The following HCK variants were observed in gnomAD, a reference collection of about 807,000 sequenced individuals.
HCK encodes the protein tyrosine-protein kinase HCK.
HCK carries 40 observed loss-of-function variants against 70.4 expected under a neutral mutation model. That is an observed-to-expected ratio of 0.57 (90% CI 0.44 to 0.74). The LOEUF is 0.74. Among genes scored for constraint, HCK ranks in the 30% least tolerant of loss-of-function variants. HCK has a pLI of 0.00. For missense variants in HCK, 568 were observed against 697.2 expected (o/e 0.81, Z 2.09); for synonymous variants, 245 against 263.2 (o/e 0.93, Z 0.67).
intron 1 of HCK, among the ~76,000 whole-genome samples, chr20:32,060,157 C>T (rs1379790799): frequency 1.3e-5 from 2 of 152,102 alleles, no homozygotes; most frequent in Non-Finnish European, 2.9e-5. Flanking sequence ...CCAGCAGAAG[C>T]GAGCAAATGT....
chr20:32,061,757 CAAG>C (rs1280193786), intron 1 of HCK, among the ~76,000 whole-genome samples: 1 of 151,926 alleles, frequency 6.6e-6, no homozygotes, highest in Non-Finnish European at 1.5e-5. Flanking sequence ...TGAAGAAGAG[CAAG>C]GAGGGCTCCA....
At chr20:32,097,589 A>C (rs937543478) in intron 11 of HCK, among the ~76,000 whole-genome samples, 8 of 152,118 alleles carry the variant, frequency 5.3e-5, no homozygotes, top group African/African-American at 1.9e-4. Context: ...TCAAAACATA[A>C]ATAAATAAAT....
At chr20:32,086,470 T>C (rs1461050602) in intron 8 of HCK, among the ~76,000 whole-genome samples, 158 bp from the exon 9 acceptor site, 1 of 152,216 alleles carries the variant, frequency 6.6e-6, no homozygotes, top group East Asian at 1.9e-4. Flanking sequence ...AACCCACAGT[T>C]GTCTGAGGCC....
At chr20:32,098,982 T>A in intron 11 of HCK, 22 bp from the exon 12 acceptor site, 1 of 1,613,354 alleles carries the variant, frequency 6.2e-7, no homozygotes, top group Non-Finnish European at 8.5e-7. Flanking sequence ...CTTCCCCGAC[T>A]CTGCTCTGTT....
At chr20:32,061,158 AT>A (rs1276687337) in intron 1 of HCK, among the ~76,000 whole-genome samples, 2 of 152,052 alleles carry the variant, frequency 1.3e-5, no homozygotes, top group Non-Finnish European at 2.9e-5. Flanking sequence ...TAATTTTTGT[AT>A]TTTTAGTAGA....
intron 1 of HCK, among the ~76,000 whole-genome samples, chr20:32,063,765 T>C (rs1208361220): frequency 6.6e-6 from 1 of 151,772 alleles, no homozygotes; most frequent in African/African-American, 2.4e-5. Context: ...CAAGACTCTT[T>C]GATGTTTAAA....
chr20:32,070,829 A>G (rs2045525186), intron 1 of HCK, among the ~76,000 whole-genome samples: 1 of 151,666 alleles, frequency 6.6e-6, no homozygotes, highest in South Asian at 2.1e-4. Flanking sequence ...TGAATTACCA[A>G]ACAACTCAGA....
intron 1 of HCK, chr20:32,054,222 C>A: frequency 4.4e-6 from 2 of 456,482 alleles, no homozygotes; most frequent in Non-Finnish European, 8.8e-6. Flanking sequence ...CCAGGGGCAA[C>A]CGCTGTCATG....
intron 9 of HCK, among the ~76,000 whole-genome samples, chr20:32,087,905 A>G (rs899240885): frequency 9.2e-5 from 14 of 151,990 alleles, no homozygotes; most frequent in Admixed American, 9.2e-4. Context: ...GCCTCCCACC[A>G]TGCTGGAATT....
chr20:32,056,688 A>G (rs566237933), intron 1 of HCK, among the ~76,000 whole-genome samples: 165 of 152,180 alleles, frequency 1.1e-3, no homozygotes, highest in Non-Finnish European at 1.9e-3. Flanking sequence ...TCTAATGGGT[A>G]CAGAAAGCAC....
intron 1 of HCK, among the ~76,000 whole-genome samples, chr20:32,061,201 C>T (rs1355515911): frequency 6.6e-6 from 1 of 152,218 alleles, no homozygotes; most frequent in African/African-American, 2.4e-5. Context: ...CCAGGCTGGT[C>T]TTGAACTCCT....
Position 32,052,270 on chromosome 20 carries a change from A to T in HCK, c.-155A>T, listed in dbSNP as rs2045181859. On this transcript the variant is annotated 5_prime_UTR_variant, in exon 1 of 13. Coordinates refer to ENST00000375852, the MANE Select transcript of HCK (RefSeq NM_002110.5). The stretch of plus-strand genomic sequence containing the variant: ...ACGTCCCTGGTCCCAGCTCGGGAGC[A>T]CATCAGAGGCTTAGAGGCGAGTGGG... 3.9e-6 allele frequency: 2 copies of T among 514,806 alleles called. No individual in the cohort carries two copies. Among genetic ancestry groups the T allele is most frequent in the Non-Finnish European group, 6.3e-6 (2 of 318,652 alleles). 31.9% of individuals were successfully genotyped at this position (514,806 alleles called of 1,614,324 possible).
intron 11 of HCK, among the ~76,000 whole-genome samples, chr20:32,094,754 AAAGAAAG>A (rs1404796675): frequency 7.4e-6 from 1 of 134,756 alleles, no homozygotes; most frequent in Non-Finnish European, 1.6e-5. Flanking sequence ...AGAAAGAAAG[AAAGAAAG>A]AAGGAAAGAA....
chr20:32,062,935 T>C (rs996898149), intron 1 of HCK, among the ~76,000 whole-genome samples: 2 of 152,172 alleles, frequency 1.3e-5, no homozygotes, highest in Non-Finnish European at 2.9e-5. Context: ...TTCCTGTAAC[T>C]GAACAGCCTT....
chr20:32,071,120 T>C (rs2045531780), intron 1 of HCK, among the ~76,000 whole-genome samples: 1 of 152,242 alleles, frequency 6.6e-6, no homozygotes, highest in Admixed American at 6.5e-5. Context: ...CAATTTATCA[T>C]CTGATAATAC....
chr20:32,072,807 G>A (rs779034005), intron 2 of HCK, among the ~76,000 whole-genome samples: 2 of 152,030 alleles, frequency 1.3e-5, no homozygotes, highest in African/African-American at 2.4e-5. Flanking sequence ...ATCCAAGACC[G>A]AAGGCCGAGG....
chr20:32,097,504 C>T (rs1249290785), intron 11 of HCK, among the ~76,000 whole-genome samples: 3 of 152,000 alleles, frequency 2.0e-5, no homozygotes, highest in South Asian at 2.1e-4. Flanking sequence ...GCGTGAAAGC[C>T]GGGAGGCGGA....
chr20:32,068,753 C>A (rs186439907), intron 1 of HCK, among the ~76,000 whole-genome samples: 10 of 151,924 alleles, frequency 6.6e-5, no homozygotes, highest in African/African-American at 9.7e-5. Flanking sequence ...ACCTGCCCCC[C>A]CTCTCTGCCC....
chr20:32,057,645 A>G (rs1206913906), intron 1 of HCK, among the ~76,000 whole-genome samples: 1 of 152,142 alleles, frequency 6.6e-6, no homozygotes, highest in Admixed American at 6.5e-5. Context: ...AGGGTAATTG[A>G]CTTTCCCAAA....
Sources: allele counts gnomAD v4.1 joint callset (sites outside exome capture counted in the v4.1 genomes callset), GRCh38; gene constraint gnomAD v4.1.1; transcripts MANE v1.5; gene names NCBI Gene and HGNC (gene_info 2026-07-23, HGNC 2026-07-21).